Variants in CLK4 observed in about 807,000 individuals in gnomAD.
CLK4 encodes CDC like kinase 4, also known as dual specificity protein kinase CLK4.
In CLK4, 37 loss-of-function variants were observed where a neutral mutation model predicts 64.4. The ratio of observed to expected loss-of-function variants is 0.57; its 90% CI spans 0.44 to 0.76. The LOEUF is 0.76. Among genes scored for constraint, CLK4 ranks in the 30% least tolerant of loss-of-function variants. The pLI is 0.00. For missense variants in CLK4, 457 were observed against 605.1 expected, an observed-to-expected ratio of 0.76 and a Z score of 2.57; for synonymous variants, 175 against 191.6, an observed-to-expected ratio of 0.91 and a Z score of 0.72.
intron 8 of CLK4, 34 bp downstream of exon 8, chr5:178,612,762 C>T (rs746913861): frequency 7.9e-7 from 1 of 1,258,000 alleles, no homozygotes; most frequent in Non-Finnish European, 1.1e-6. Context: ...ATTTTAAAGA[C>T]AACCACCCAA....
intron 1 of CLK4, 84 bp from the exon 2 acceptor site, chr5:178,623,500 T>C (rs1764738129): frequency 8.5e-7 from 1 of 1,182,196 alleles, no homozygotes; most frequent in Middle Eastern, 2.5e-4. Flanking sequence ...ATTTAAGTTA[T>C]CAAAACCCAA....
intron 1 of CLK4, among the ~76,000 whole-genome samples, chr5:178,625,980 G>T (rs560388235): frequency 3.4e-4 from 52 of 152,290 alleles, no homozygotes; most frequent in African/African-American, 1.3e-3. Context: ...CATCCCACAT[G>T]CTAGAGTAGG....
intron 2 of CLK4, chr5:178,622,978 T>C (rs1432082591): frequency 8.6e-6 from 3 of 348,912 alleles, no homozygotes; most frequent in Non-Finnish European, 1.6e-5. Context: ...TTACTGGCAG[T>C]TGGGACTCAC....
chr5:178,604,100 C>T, intron 11 of CLK4, 166 bp from the exon 12 acceptor site: 1 of 498,660 alleles, frequency 2.0e-6, no homozygotes, highest in East Asian at 3.3e-5. Flanking sequence ...ATATATCGGA[C>T]ACCTCATATC....
At chr5:178,613,876 T>C (rs1226390377) in intron 5 of CLK4, 33 bp from the exon 6 acceptor site, 2 of 1,497,332 alleles carry the variant, frequency 1.3e-6, no homozygotes, top group Admixed American at 1.7e-5. Context: ...AAATGATAAA[T>C]GTACAAGAGT....
At chr5:178,611,578 G>C (rs1290715183) in intron 9 of CLK4, among the ~76,000 whole-genome samples, 1 of 152,144 alleles carries the variant, frequency 6.6e-6, no homozygotes, top group African/African-American at 2.4e-5. Flanking sequence ...GAGCTGCACA[G>C]GATTCTTGAT....
At chr5:178,615,307 T>C (rs994814542) in intron 5 of CLK4, among the ~76,000 whole-genome samples, 1 of 152,236 alleles carries the variant, frequency 6.6e-6, no homozygotes, top group African/African-American at 2.4e-5. Flanking sequence ...TGCAGATTAG[T>C]TGGCAAAATT....
intron 10 of CLK4, among the ~76,000 whole-genome samples, chr5:178,607,660 G>A (rs1356816616): frequency 2.6e-5 from 4 of 151,574 alleles, no homozygotes; most frequent in South Asian, 4.2e-4. Flanking sequence ...ACAGGCGCCC[G>A]CCACCACGCC....
At chr5:178,611,998 G>A (rs548748401) in intron 9 of CLK4, among the ~76,000 whole-genome samples, 20 of 150,296 alleles carry the variant, frequency 1.3e-4, no homozygotes, top group Non-Finnish European at 2.8e-4. Flanking sequence ...GGAGCTCTTA[G>A]AGAAGCCTCT....
At position 178,621,217 on chromosome 5, in the gene CLK4, A is replaced by G. The variant is rs555577242; in HGVS notation, c.161+2039T>C. Among the ~76,000 whole-genome samples, 3 of 152,326 alleles carry G rather than the reference A, an allele frequency of 2.0e-5. No individual in the cohort carries two copies. In the South Asian group the frequency reaches 6.2e-4, roughly 32 times the overall value. On this transcript the variant is annotated intron_variant, in intron 2 of 12. Transcript: ENST00000316308. Reference sequence around the variant, plus strand: ...AAATGGTAACCCTGGGCCTTAGGTCATACTCACTGACTGTAAATCTGGTCA... The same window carrying G: ...AAATGGTAACCCTGGGCCTTAGGTCGTACTCACTGACTGTAAATCTGGTCA...
chr5:178,621,765 C>G (rs1370657391), intron 2 of CLK4: 1 of 152,048 alleles, frequency 6.6e-6, no homozygotes, highest in Non-Finnish European at 1.5e-5. Context: ...CTTAAAAATG[C>G]TTCTTCCTGG....
At chr5:178,605,974 T>G (rs753362743) in intron 10 of CLK4, 2 of 152,258 alleles carry the variant, frequency 1.3e-5, no homozygotes, top group Admixed American at 1.3e-4. Context: ...GATTTCACCA[T>G]GGGCCAAAGT....
At chr5:178,603,781 TA>T (rs750111964) in intron 12 of CLK4, 24 bp from the exon 13 acceptor site, 12 of 1,577,684 alleles carry the variant, frequency 7.6e-6, no homozygotes, top group Admixed American at 2.0e-5. Flanking sequence ...GTTTTTGTTT[TA>T]AAAAAAATTA....
At chr5:178,608,972 G>A (rs1197206818) in intron 9 of CLK4, among the ~76,000 whole-genome samples, 1 of 152,124 alleles carries the variant, frequency 6.6e-6, no homozygotes, top group Non-Finnish European at 1.5e-5. Context: ...TTGTATAAAA[G>A]GTATAATGGG....
At chr5:178,619,969 G>A (rs1391070592) in intron 2 of CLK4, 24 of 452,728 alleles carry the variant, frequency 5.3e-5, no homozygotes, top group South Asian at 3.0e-4. Flanking sequence ...ATGGAGTGAC[G>A]GATGTTGACT....
At chr5:178,604,847 T>C (rs867220400) in intron 11 of CLK4, 2 of 152,308 alleles carry the variant, frequency 1.3e-5, no homozygotes, top group African/African-American at 2.4e-5. Flanking sequence ...TTTAAAAACA[T>C]GGCCTAGTGC....
rs2113796526 is a variant in CLK4 at position 178,602,736 on chromosome 5, T to C, written c.*881A>G. On this transcript the variant is annotated 3_prime_UTR_variant, in exon 13 of 13. Coordinates refer to ENST00000316308, the MANE Select transcript of CLK4 (RefSeq NM_020666.3). ...CAGCAGCACTTTCTTCCCAAACTGC[T>C]TTCCAATCAAATCCTCTTTCTCCCG... 6.6e-6 allele frequency: 1 copy of C among 152,358 alleles called. No individual in the cohort carries two copies. Among genetic ancestry groups the C allele is most frequent in the South Asian group, 2.1e-4 (1 of 4,830 alleles). The allele number at this position is 152,358 out of a possible 1,614,324, so 9.4% of individuals were successfully genotyped here.
intron 10 of CLK4, among the ~76,000 whole-genome samples, chr5:178,608,153 C>T (rs901885736): frequency 6.6e-6 from 1 of 152,156 alleles, no homozygotes; most frequent in Non-Finnish European, 1.5e-5. Context: ...CATATATGAA[C>T]CATGTGTTAC....
At chr5:178,615,769 A>G (rs980429878) in intron 5 of CLK4, among the ~76,000 whole-genome samples, 11 of 152,228 alleles carry the variant, frequency 7.2e-5, no homozygotes, top group Admixed American at 1.3e-4. Context: ...AAGTTTCGCA[A>G]AAGTTCTAAG....
Sources: gnomAD v4.1 joint callset for allele counts (sites outside exome capture counted in the v4.1 genomes callset) on GRCh38, gnomAD v4.1.1 for gene constraint, MANE v1.5 for transcripts, NCBI Gene and HGNC (gene_info 2026-07-23, HGNC 2026-07-21) for gene names.